Variants in TTC28 observed in about 807,000 individuals in gnomAD.
TTC28 encodes the protein tetratricopeptide repeat protein 28.
TTC28 carries 61 observed loss-of-function variants against 198.0 expected under a neutral mutation model. The ratio of observed to expected loss-of-function variants is 0.31; its 90% CI spans 0.25 to 0.38. The LOEUF is 0.38. TTC28 is among the 10% of genes least tolerant of loss of function. TTC28 has a pLI of 1.00. For missense variants in TTC28, 2,678 were observed against 3,164.0 expected, an observed-to-expected ratio of 0.85 and a Z score of 3.69; for synonymous variants, 1,171 against 1,297.8, an observed-to-expected ratio of 0.90 and a Z score of 2.10.
At chr22:28,611,314 A>G (rs1010298944) in intron 2 of TTC28, among the ~76,000 whole-genome samples, 1 of 152,136 alleles carries the variant, frequency 6.6e-6, no homozygotes, top group African/African-American at 2.4e-5. Context: ...GCAGCCAGAG[A>G]GAAAGGTCAG....
At chr22:28,259,504 G>A (rs1484898501) in intron 5 of TTC28, among the ~76,000 whole-genome samples, 4 of 151,746 alleles carry the variant, frequency 2.6e-5, no homozygotes, top group East Asian at 1.9e-4. Context: ...AGAAATGCTC[G>A]GGTATGTTAC....
At chr22:28,255,604 C>T (rs570855298) in intron 5 of TTC28, among the ~76,000 whole-genome samples, 1 of 151,648 alleles carries the variant, frequency 6.6e-6, no homozygotes, top group Non-Finnish European at 1.5e-5. Context: ...TCACTTGAAC[C>T]CGGGAGGCAG....
chr22:28,105,825 G>A, intron 7 of TTC28, 23 bp from the exon 8 acceptor site: 1 of 1,526,742 alleles, frequency 6.5e-7, no homozygotes, highest in African/African-American at 1.4e-5. Context: ...AGACAGAAAA[G>A]CAATGATATT....
chr22:28,591,034 C>CAAATATAT (rs2050422125), intron 2 of TTC28, among the ~76,000 whole-genome samples: 1 of 48,072 alleles, frequency 2.1e-5, no homozygotes, highest in Non-Finnish European at 4.1e-5. Flanking sequence ...CACACACACA[C>CAAATATAT]ACACACATAT....
chr22:28,054,529 G>C (rs1266383988), intron 12 of TTC28, among the ~76,000 whole-genome samples: 1 of 152,050 alleles, frequency 6.6e-6, no homozygotes, highest in East Asian at 1.9e-4. Context: ...ATAAGAGAGG[G>C]GTGTTGCCAA....
chr22:28,201,079 T>C (rs530893174), intron 5 of TTC28, among the ~76,000 whole-genome samples: 1 of 152,292 alleles, frequency 6.6e-6, no homozygotes, highest in Admixed American at 6.5e-5. Flanking sequence ...AGTTGGATAG[T>C]GTTATCTCAC....
chr22:28,594,123 C>T (rs1447966324), intron 2 of TTC28, among the ~76,000 whole-genome samples: 58 of 152,032 alleles, frequency 3.8e-4, no homozygotes, highest in Admixed American at 3.7e-3. Context: ...TGATGTTGAA[C>T]TTAGAACTTT....
chr22:28,294,695 A>G lies in TTC28; in HGVS notation c.933+1503T>C, dbSNP rs576312449. ...GCAATTCTCCTGCCTCAGCCTCCCA[A>G]GTAGCTGGGATTACAGGCACCCGCC... On this transcript the variant is annotated intron_variant, in intron 5 of 22. Coordinates refer to ENST00000397906, the MANE Select transcript of TTC28 (RefSeq NM_001145418.2). Among the ~76,000 whole-genome samples the G allele has an allele frequency of 2.6e-5, 4 of 152,018 alleles. No individual in the cohort carries two copies. The East Asian group carries it at 7.7e-4, about 29-fold the overall frequency.
chr22:28,006,465 C>A (rs1325010928), intron 14 of TTC28: 1 of 152,226 alleles, frequency 6.6e-6, no homozygotes, highest in Non-Finnish European at 1.5e-5. Context: ...GGCCCATAAT[C>A]ATTTTTCCAG....
At chr22:28,612,262 A>G (rs2050831489) in intron 2 of TTC28, among the ~76,000 whole-genome samples, 1 of 152,222 alleles carries the variant, frequency 6.6e-6, no homozygotes, top group Non-Finnish European at 1.5e-5. Flanking sequence ...GGATCACTGC[A>G]ACAAGAGAGC....
intron 9 of TTC28, among the ~76,000 whole-genome samples, chr22:28,099,927 C>T (rs1305711755): frequency 2.0e-5 from 3 of 152,194 alleles, no homozygotes; most frequent in Non-Finnish European, 4.4e-5. Flanking sequence ...ACTGGGCAAG[C>T]TCCTCAAGGA....
Position 28,030,369 on chromosome 22 carries a change from G to A in TTC28, c.3933-3C>T, listed in dbSNP as rs1045987323. 1.3e-6 allele frequency: 2 copies of A among 1,551,682 alleles called. No homozygotes were observed. Among genetic ancestry groups the A allele is most frequent in the African/African-American group, 1.4e-5 (1 of 73,166 alleles). On this transcript the variant is annotated splice_region_variant and splice_polypyrimidine_tract_variant and intron_variant, in intron 12 of 22. Coordinates refer to ENST00000397906, the MANE Select transcript of TTC28 (RefSeq NM_001145418.2). Reference sequence around the variant, plus strand: ...CTGTCTCACTGCTGGCACAGGCCCTGCAGGAAAAATTGCAGAAAAAGCCAA... The same window carrying A: ...CTGTCTCACTGCTGGCACAGGCCCTACAGGAAAAATTGCAGAAAAAGCCAA...
At chr22:28,550,639 T>C (rs971682608) in intron 2 of TTC28, among the ~76,000 whole-genome samples, 1 of 151,970 alleles carries the variant, frequency 6.6e-6, no homozygotes, top group Admixed American at 6.6e-5. Context: ...AAGAGAAAAA[T>C]GAAACATTAA....
intron 12 of TTC28, among the ~76,000 whole-genome samples, chr22:28,082,608 T>G (rs533461440): frequency 6.6e-6 from 1 of 152,226 alleles, no homozygotes; most frequent in Non-Finnish European, 1.5e-5. Context: ...CACATAGTCA[T>G]GGTGCAGAAT....
chr22:28,599,246 T>C (rs148011386), intron 2 of TTC28, among the ~76,000 whole-genome samples: 5 of 152,376 alleles, frequency 3.3e-5, no homozygotes, highest in Non-Finnish European at 5.9e-5. Flanking sequence ...TAGCCTATAT[T>C]TTGCCTATAC....
chr22:27,998,177 C>T (rs1937584969), intron 16 of TTC28: 3 of 276,862 alleles, frequency 1.1e-5, no homozygotes, highest in Non-Finnish European at 2.0e-5. Context: ...TCAGGCCACA[C>T]AGCCAGGACA....
intron 2 of TTC28, among the ~76,000 whole-genome samples, chr22:28,318,736 G>A (rs184691947): frequency 4.6e-5 from 7 of 151,456 alleles, no homozygotes; most frequent in East Asian, 3.9e-4. Flanking sequence ...TTTGATACAC[G>A]GTACCCTACA....
In TTC28 at chr22:28,390,842, C is replaced by T. The variant is rs553134808; in HGVS notation, c.382-84199G>A. Among the ~76,000 whole-genome samples the T allele has an allele frequency of 9.8e-4, 150 of 152,286 alleles. 5 individuals are homozygous for T. The South Asian group carries it at 0.029, about 30-fold the overall frequency. On this transcript the variant is annotated intron_variant, in intron 2 of 22. Transcript: ENST00000397906. ...TTAATTGGAGCATTTAGTCCATTTA[C>T]ATTTAAAGTTAATATTGTTATGTGT...
intron 2 of TTC28, among the ~76,000 whole-genome samples, chr22:28,531,664 G>A (rs2049142881): frequency 6.6e-6 from 1 of 152,142 alleles, no homozygotes; most frequent in African/African-American, 2.4e-5. Flanking sequence ...TGGAAGTAAA[G>A]CACTCCCCAG....
Sources: gnomAD v4.1 joint callset for allele counts (sites outside exome capture counted in the v4.1 genomes callset) on GRCh38, gnomAD v4.1.1 for gene constraint, MANE v1.5 for transcripts, NCBI Gene and HGNC (gene_info 2026-07-23, HGNC 2026-07-21) for gene names.